The following P3H2 variants were observed in gnomAD, a reference collection of about 807,000 sequenced individuals.
P3H2 encodes the protein leprecan-like 1.
A neutral mutation model predicts 87.0 loss-of-function variants in P3H2; 80 were observed. The observed-to-expected ratio is 0.92, with a 90% CI of 0.77 to 1.11. P3H2 has a LOEUF of 1.11. Ranked by LOEUF, P3H2 falls within the 50% of genes least tolerant of loss-of-function variation. P3H2 has a pLI of 0.00. For missense variants in P3H2, 1,001 were observed against 923.9 expected (o/e 1.08, Z -1.08); for synonymous variants, 367 against 359.3 (o/e 1.02, Z -0.24).
chr3:190,038,219 G>C lies in P3H2; in HGVS notation c.481-42777C>G, dbSNP rs558807054. 7.5e-5 allele frequency among the ~76,000 whole-genome samples: 10 copies of C among 133,384 alleles called. No homozygotes were observed. The East Asian group carries it at 2.2e-3, about 30-fold the overall frequency. 87.5% of individuals were successfully genotyped at this position (133,384 alleles called of 152,430 possible). On this transcript the variant is annotated intron_variant, in intron 1 of 14. Transcript: ENST00000319332. ...CCACTGCACTCCAGCCTGGGGCACA[G>C]AGCAAGACTAGGTTTAAAAAAAAAA...
At chr3:190,034,237 A>G (rs532209583) in intron 1 of P3H2, among the ~76,000 whole-genome samples, 86,721 of 151,558 alleles carry the variant, frequency 0.57, 26,935 homozygotes, top group South Asian at 0.71. Context: ...GTTCCTCATA[A>G]ACTCTGTCAA....
At chr3:189,965,276 G>A (rs3773931) in intron 13 of P3H2, among the ~76,000 whole-genome samples, 38,623 of 152,014 alleles carry the variant, frequency 0.25, 5,092 homozygotes, top group Admixed American at 0.32. Flanking sequence ...AGGTACTCCC[G>A]GACTACGTGA....
intron 1 of P3H2, among the ~76,000 whole-genome samples, chr3:190,097,447 G>T (rs1252544913): frequency 6.6e-6 from 1 of 152,066 alleles, no homozygotes; most frequent in African/African-American, 2.4e-5. Context: ...ACAGACTGTG[G>T]ACTGAAAAAT....
intron 1 of P3H2, among the ~76,000 whole-genome samples, chr3:190,007,366 T>C (rs1187090311): frequency 6.6e-6 from 1 of 152,144 alleles, no homozygotes; most frequent in East Asian, 1.9e-4. Context: ...GCAATGGAAA[T>C]AGTATTTTTT....
intron 11 of P3H2, 132 bp from the exon 12 acceptor site, chr3:189,972,139 G>C: frequency 1.4e-6 from 1 of 711,824 alleles, no homozygotes; most frequent in East Asian, 2.7e-5. Flanking sequence ...GGAAAGAACA[G>C]ATAAAAGAAC....
chr3:189,959,691 T>C (rs947551533), intron 14 of P3H2, among the ~76,000 whole-genome samples: 1 of 152,126 alleles, frequency 6.6e-6, no homozygotes, highest in Non-Finnish European at 1.5e-5. Flanking sequence ...ATTCTACGCT[T>C]TCTTTTATTC....
chr3:190,111,354 G>A (rs1447286598), intron 1 of P3H2, among the ~76,000 whole-genome samples: 2 of 152,130 alleles, frequency 1.3e-5, no homozygotes, highest in Non-Finnish European at 2.9e-5. Flanking sequence ...GGAAGTCAGG[G>A]TTCTTGGATT....
At chr3:190,057,149 A>C (rs1398806560) in intron 1 of P3H2, among the ~76,000 whole-genome samples, 2 of 152,176 alleles carry the variant, frequency 1.3e-5, no homozygotes, top group African/African-American at 4.8e-5. Flanking sequence ...GCCTAACTTT[A>C]AGTATCTTCT....
At position 190,071,415 on chromosome 3, in the gene P3H2, A is replaced by G. The variant is rs60764902; in HGVS notation, c.480+48837T>C. 9.4e-3 allele frequency among the ~76,000 whole-genome samples: 1,434 copies of G among 152,336 alleles called. 14 individuals are homozygous for G. Among genetic ancestry groups the G allele is most frequent in the African/African-American group, 0.03 (1,244 of 41,584 alleles). On this transcript the variant is annotated intron_variant, in intron 1 of 14. Coordinates refer to ENST00000319332, the MANE Select transcript of P3H2 (RefSeq NM_018192.4). ...TAAATCCACTCGTAGTTCTAGAAAC[A>G]TGTAAATCCAATCAGCTTCCATACT... is the stretch of plus-strand genomic sequence containing the variant.
chr3:190,055,987 A>G (rs1726141034), intron 1 of P3H2, among the ~76,000 whole-genome samples: 1 of 152,176 alleles, frequency 6.6e-6, no homozygotes, highest in South Asian at 2.1e-4. Flanking sequence ...GATAGGGGAT[A>G]CTAAGGAAGT....
At chr3:190,063,991 T>A (rs976415673) in intron 1 of P3H2, among the ~76,000 whole-genome samples, 45 of 83,774 alleles carry the variant, frequency 5.4e-4, no homozygotes, top group Non-Finnish European at 8.8e-4. Flanking sequence ...TAGAATAAAC[T>A]TTTTTTTTTT....
chr3:189,983,217 G>T, intron 7 of P3H2, 77 bp from the exon 8 acceptor site: 2 of 1,100,654 alleles, frequency 1.8e-6, no homozygotes, highest in Non-Finnish European at 1.4e-6. Context: ...CTTTACCAAG[G>T]TAGTCTGTGA....
At chr3:190,014,894 A>G (rs1308928354) in intron 1 of P3H2, among the ~76,000 whole-genome samples, 1 of 152,152 alleles carries the variant, frequency 6.6e-6, no homozygotes, top group Non-Finnish European at 1.5e-5. Flanking sequence ...ATCAGAAGAG[A>G]GGAATTCTAG....
At chr3:190,025,744 C>T (rs1415394507) in intron 1 of P3H2, among the ~76,000 whole-genome samples, 1 of 152,142 alleles carries the variant, frequency 6.6e-6, no homozygotes, top group Non-Finnish European at 1.5e-5. Context: ...GGAGCTGATT[C>T]ATTTACAAAT....
At chr3:190,071,598 A>G (rs1726699557) in intron 1 of P3H2, among the ~76,000 whole-genome samples, 1 of 152,250 alleles carries the variant, frequency 6.6e-6, no homozygotes, top group African/African-American at 2.4e-5. Context: ...CCATTTGAGG[A>G]AAGATCATAG....
At chr3:190,071,985 T>G (rs991246632) in intron 1 of P3H2, among the ~76,000 whole-genome samples, 20 of 150,008 alleles carry the variant, frequency 1.3e-4, no homozygotes, top group African/African-American at 3.9e-4. Context: ...AGGGTTTTTT[T>G]TTTTTTTTTT....
At chr3:189,981,167 T>C (rs1305046783) in intron 8 of P3H2, among the ~76,000 whole-genome samples, 1 of 152,212 alleles carries the variant, frequency 6.6e-6, no homozygotes, top group Non-Finnish European at 1.5e-5. Flanking sequence ...CTGAGTTCTG[T>C]GGGATGCTCT....
rs1723160874 is a variant in P3H2, at chr3:189,970,956, C to T, written c.1818-65G>A. 8.8e-6 allele frequency: 8 copies of T among 914,106 alleles called. No individual in the cohort carries two copies. In the South Asian group the frequency reaches 1.1e-4, roughly 12 times the overall value. The allele number at this position is 914,106 out of a possible 1,614,324, so 56.6% of individuals were successfully genotyped here. Reference sequence around the variant, plus strand: ...CTTATGAGAGCATGGTCATAGAATACTGAAGACTGGTGATGTACTGTCCAG... The same window carrying T: ...CTTATGAGAGCATGGTCATAGAATATTGAAGACTGGTGATGTACTGTCCAG... On this transcript the variant is annotated intron_variant, in intron 12 of 14. Transcript: ENST00000319332.
At chr3:190,007,489 AAGCAT>A in intron 1 of P3H2, among the ~76,000 whole-genome samples, 1 of 152,244 alleles carries the variant, frequency 6.6e-6, no homozygotes, top group Middle Eastern at 3.4e-3. Flanking sequence ...CCTAGAAGTC[AAGCAT>A]CTTGACAAGA....
Sources: gnomAD v4.1 joint callset for allele counts (sites outside exome capture counted in the v4.1 genomes callset) on GRCh38, gnomAD v4.1.1 for gene constraint, MANE v1.5 for transcripts, NCBI Gene and HGNC (gene_info 2026-07-23, HGNC 2026-07-21) for gene names.